Variants in DIAPH2 observed in about 807,000 individuals in gnomAD.
The protein encoded by DIAPH2 is diaphanous related formin 2, also known as protein diaphanous homolog 2.
A neutral mutation model predicts 92.7 loss-of-function variants in DIAPH2; 35 were observed. That is an observed-to-expected ratio of 0.38 (90% CI 0.29 to 0.50). The LOEUF (loss-of-function observed/expected upper bound fraction) is 0.50, where lower values mean the gene tolerates loss of function less well. DIAPH2 is among the 20% of genes least tolerant of loss of function. The pLI is 0.94. For synonymous variants in DIAPH2, 301 were observed against 280.4 expected (o/e 1.07, Z -0.73); for missense variants, 701 against 819.5 (o/e 0.86, Z 1.77).
chrX:97,463,471 A>G (rs138100472), intron 26 of DIAPH2, among the ~76,000 whole-genome samples: 1,444 of 109,045 alleles, frequency 0.013, 85 homozygotes, highest in Admixed American at 0.13. Flanking sequence ...GCTCACTGCA[A>G]CCTCTGCCTC....
intron 9 of DIAPH2, among the ~76,000 whole-genome samples, chrX:96,923,114 A>G (rs775654099): frequency 2.7e-5 from 3 of 111,887 alleles, no homozygotes; most frequent in African/African-American, 9.7e-5. Flanking sequence ...GGTTTATAGA[A>G]CGGGAAAGTA....
At chrX:97,506,227 G>A (rs1261787295) in intron 26 of DIAPH2, among the ~76,000 whole-genome samples, 1 of 84,312 alleles carries the variant, frequency 1.2e-5, no homozygotes, top group Non-Finnish European at 2.1e-5. Flanking sequence ...TTGGCTCACT[G>A]CAACCTCTGC....
chrX:96,719,638 G>A (rs2147547538), intron 1 of DIAPH2, among the ~76,000 whole-genome samples: 1 of 111,508 alleles, frequency 9.0e-6, no homozygotes, highest in Admixed American at 9.5e-5. Context: ...CGTTCCATTG[G>A]TCTCTGTGTC....
chrX:96,780,050 A>G (rs2064405229), intron 4 of DIAPH2, among the ~76,000 whole-genome samples: 1 of 112,388 alleles, frequency 8.9e-6, no homozygotes, highest in Admixed American at 9.5e-5. Context: ...GTATTCTAAG[A>G]CTGCAAGAGA....
At chrX:97,549,282 A>C (rs142033880) in intron 26 of DIAPH2, among the ~76,000 whole-genome samples, 67 of 111,601 alleles carry the variant, frequency 6.0e-4, no homozygotes, top group Non-Finnish European at 1.2e-3. Flanking sequence ...ATACATGTAA[A>C]TTTGGGAGTA....
chrX:97,521,684 C>T (rs2070992305), intron 26 of DIAPH2, among the ~76,000 whole-genome samples: 1 of 111,363 alleles, frequency 9.0e-6, no homozygotes, highest in Non-Finnish European at 1.9e-5. Context: ...TTCTCATTCT[C>T]TCTCCTGCTG....
intron 23 of DIAPH2, among the ~76,000 whole-genome samples, chrX:97,251,059 C>T (rs1213493273): frequency 8.9e-6 from 1 of 111,951 alleles, no homozygotes; most frequent in East Asian, 2.8e-4. Flanking sequence ...CCTTTCTCTA[C>T]CCAAAATAGG....
chrX:97,469,724 A>G (rs2070546445), intron 26 of DIAPH2: 1 of 1,207,808 alleles, frequency 8.3e-7, no homozygotes, highest in Non-Finnish European at 1.1e-6. Context: ...ACAAGGGCTA[A>G]TCCAAGATCA....
intron 21 of DIAPH2, among the ~76,000 whole-genome samples, chrX:97,132,758 T>C (rs2067146134): frequency 8.9e-6 from 1 of 112,355 alleles, no homozygotes; most frequent in Admixed American, 9.4e-5. Flanking sequence ...AGTTGAATTA[T>C]ATGACTGTAC....
Position 97,429,676 on chromosome X carries a change from A to C in DIAPH2, c.3172A>C (p.Asn1058His). The change falls in exon 26 of 27, where the codon AAT (asparagine) becomes CAT (histidine). Residue 1058 changes from asparagine to histidine, a missense_variant. By Grantham distance (68) the Asn-to-His change is moderately conservative (BLOSUM62 1). Around this residue, in one of 3 missense-constraint regions of DIAPH2, gnomAD observed 536 missense variants for 599.3 expected, o/e 0.89. Coordinates refer to ENST00000324765, the MANE Select transcript of DIAPH2 (RefSeq NM_006729.5). ...KEGDETGVMD[N>H]LLEALQSGAA... is the part of the protein sequence containing the mutation. Reference sequence around the variant, plus strand: ...GGGTGATGAGACTGGTGTGATGGATAATCTTCTAGAAGCCCTACAATCAGG... The same window carrying C: ...GGGTGATGAGACTGGTGTGATGGATCATCTTCTAGAAGCCCTACAATCAGG... 8.3e-7 allele frequency: 1 copy of C among 1,210,311 alleles called. No homozygotes were observed. The highest frequency in any genetic ancestry group is 1.1e-6 in the Non-Finnish European group (1 of 895,053).
Position 97,367,830 on chromosome X carries a change from G to A in DIAPH2, c.3010-16079G>A, listed in dbSNP as rs375173642. Among the ~76,000 whole-genome samples the A allele has an allele frequency of 7.3e-5, 8 of 110,167 alleles. No individual in the cohort carries two copies. The East Asian group carries it at 2.0e-3, about 28-fold the overall frequency. On this transcript the variant is annotated intron_variant, in intron 24 of 26. Transcript: ENST00000324765. ...TGATTCTCCTGCCTCAGCCTCCCAA[G>A]TAGCTGGGATTACAGGTGCTCGCCA...
intron 17 of DIAPH2, among the ~76,000 whole-genome samples, chrX:97,015,265 C>T (rs1041683354): frequency 1.7e-4 from 19 of 111,596 alleles, no homozygotes; most frequent in African/African-American, 6.2e-4. Flanking sequence ...GCAATACTAA[C>T]TGTTATATGG....
At chrX:96,884,649 C>G in intron 5 of DIAPH2, 6 of 1,210,372 alleles carry the variant, frequency 5.0e-6, no homozygotes, top group Non-Finnish European at 6.7e-6. Context: ...GAGAGAAAGT[C>G]AAGCAGGTGA....
At chrX:97,129,881 CG>C (rs1274837967) in intron 21 of DIAPH2, among the ~76,000 whole-genome samples, 1 of 109,481 alleles carries the variant, frequency 9.1e-6, no homozygotes, top group Non-Finnish European at 1.9e-5. Flanking sequence ...GATTGATATC[CG>C]TAATATATAA....
At chrX:97,312,636 AGT>A (rs1432788403) in intron 23 of DIAPH2, among the ~76,000 whole-genome samples, 4 of 111,453 alleles carry the variant, frequency 3.6e-5, no homozygotes, top group African/African-American at 9.7e-5. Flanking sequence ...GGCATCGGCC[AGT>A]GCACCCGGCA....
chrX:97,150,899 C>T (rs771610813), intron 22 of DIAPH2, among the ~76,000 whole-genome samples: 3 of 111,975 alleles, frequency 2.7e-5, no homozygotes, highest in East Asian at 2.8e-4. Flanking sequence ...TAAACATTAA[C>T]GTAATCCTTG....
chrX:96,776,809 C>T (rs1206431487), intron 4 of DIAPH2, among the ~76,000 whole-genome samples: 1 of 111,135 alleles, frequency 9.0e-6, no homozygotes, highest in African/African-American at 3.3e-5. Flanking sequence ...TTCAAGTTTG[C>T]TATTCTCATT....
chrX:97,032,792 G>T (rs759047996), intron 17 of DIAPH2, among the ~76,000 whole-genome samples: 1 of 111,435 alleles, frequency 9.0e-6, no homozygotes, highest in Admixed American at 9.5e-5. Flanking sequence ...AATTTTATTT[G>T]CACCCTTTGC....
intron 11 of DIAPH2, among the ~76,000 whole-genome samples, chrX:96,938,430 A>G (rs1051313068): frequency 1.5e-4 from 17 of 111,772 alleles, no homozygotes; most frequent in African/African-American, 5.2e-4. Flanking sequence ...AAACTTCACC[A>G]TAAAACTATT....
Sources: gnomAD v4.1 joint callset for allele counts (sites outside exome capture counted in the v4.1 genomes callset) on GRCh38, gnomAD v4.1.1 for gene constraint, gnomAD v4.1.1 regional missense constraint, MANE v1.5 for transcripts, NCBI Gene and HGNC (gene_info 2026-07-23, HGNC 2026-07-21) for gene names.